EYS: variants seen among roughly 807,000 people sequenced by gnomAD.
The protein encoded by EYS is protein eyes shut homolog.
In EYS, 250 loss-of-function variants were observed where a neutral mutation model predicts 282.1. The ratio of observed to expected loss-of-function variants is 0.89; its 90% CI spans 0.80 to 0.98. The LOEUF (loss-of-function observed/expected upper bound fraction) is 0.98, where lower values mean the gene tolerates loss of function less well. EYS is among the 50% of genes least tolerant of loss of function. The pLI, the probability that EYS is intolerant of heterozygous loss-of-function variation, is 0.00. For missense variants in EYS, 4,016 were observed against 3,709.0 expected, an observed-to-expected ratio of 1.08 and a Z score of -2.15; for synonymous variants, 1,355 against 1,282.9, an observed-to-expected ratio of 1.06 and a Z score of -1.20.
intron 2 of EYS, among the ~76,000 whole-genome samples, chr6:65,507,054 T>TACTCA: frequency 6.6e-6 from 1 of 152,292 alleles, no homozygotes; most frequent in Middle Eastern, 3.4e-3. Context: ...CATGTAGATC[T>TACTCA]GAGTTTCTGA....
At chr6:64,420,438 T>G (rs1006424860) in intron 28 of EYS, among the ~76,000 whole-genome samples, 7 of 152,084 alleles carry the variant, frequency 4.6e-5, no homozygotes, top group African/African-American at 1.7e-4. Flanking sequence ...TTGTTACTTA[T>G]GCAAATTTCT....
At chr6:64,815,444 T>C (rs1764719635) in intron 21 of EYS, among the ~76,000 whole-genome samples, 1 of 152,066 alleles carries the variant, frequency 6.6e-6, no homozygotes, top group African/African-American at 2.4e-5. Flanking sequence ...GGATAGTTTT[T>C]AGACTGCCAA....
intron 22 of EYS, among the ~76,000 whole-genome samples, chr6:64,746,584 G>A (rs890820003): frequency 1.3e-5 from 2 of 152,124 alleles, no homozygotes; most frequent in Non-Finnish European, 2.9e-5. Flanking sequence ...ACCAAAACAA[G>A]TCATAGGAGA....
chr6:63,904,515 T>C (rs1284204510), intron 35 of EYS, among the ~76,000 whole-genome samples: 2 of 152,196 alleles, frequency 1.3e-5, no homozygotes, highest in African/African-American at 4.8e-5. Flanking sequence ...CTCCTCATCC[T>C]GGATAATAGG....
chr6:64,196,442 C>T (rs1405113332), intron 31 of EYS, among the ~76,000 whole-genome samples: 3 of 152,138 alleles, frequency 2.0e-5, no homozygotes, highest in Non-Finnish European at 2.9e-5. Context: ...GACACATGCA[C>T]ACGTATGTTT....
At chr6:64,294,677 G>T (rs1037913418) in intron 30 of EYS, among the ~76,000 whole-genome samples, 1 of 152,016 alleles carries the variant, frequency 6.6e-6, no homozygotes, top group African/African-American at 2.4e-5. Context: ...TTTTCACTGT[G>T]GTTATACTTG....
At chr6:63,794,226 T>A (rs1770586319) in intron 37 of EYS, among the ~76,000 whole-genome samples, 1 of 152,230 alleles carries the variant, frequency 6.6e-6, no homozygotes, top group South Asian at 2.1e-4. Context: ...ACTCAATAAA[T>A]GCATATTTCT....
intron 32 of EYS, among the ~76,000 whole-genome samples, chr6:64,071,258 T>A (rs1469195467): frequency 6.6e-6 from 1 of 152,020 alleles, no homozygotes; most frequent in Non-Finnish European, 1.5e-5. Flanking sequence ...AGCTTACTCA[T>A]CCAGGTTCTC....
intron 2 of EYS, among the ~76,000 whole-genome samples, chr6:65,625,044 G>T (rs1406267504): frequency 1.3e-5 from 2 of 152,068 alleles, no homozygotes; most frequent in African/African-American, 4.8e-5. Flanking sequence ...GGGAGGGAGG[G>T]GAGAAATTCA....
intron 24 of EYS, among the ~76,000 whole-genome samples, chr6:64,603,668 C>A (rs893327993): frequency 6.6e-6 from 1 of 152,012 alleles, no homozygotes; most frequent in Non-Finnish European, 1.5e-5. Context: ...TGTGATAGGG[C>A]TCACAGAAGT....
At chr6:64,569,633 C>T (rs1378968721) in intron 26 of EYS, among the ~76,000 whole-genome samples, 2 of 151,726 alleles carry the variant, frequency 1.3e-5, no homozygotes, top group Admixed American at 1.3e-4. Context: ...CCCAGCTACT[C>T]GTGAGGCTGA....
chr6:63,733,275 C>A (rs1768824703), intron 41 of EYS, among the ~76,000 whole-genome samples: 2 of 152,098 alleles, frequency 1.3e-5, no homozygotes, highest in Non-Finnish European at 2.9e-5. Flanking sequence ...AACTTCTCTT[C>A]TTTTCCTTTT....
At chr6:64,972,704 T>C (rs759779025) in intron 14 of EYS, among the ~76,000 whole-genome samples, 78 of 152,264 alleles carry the variant, frequency 5.1e-4, no homozygotes, top group Non-Finnish European at 7.8e-4. Flanking sequence ...ACTACATTAC[T>C]GGTAAGTCTT....
Position 64,728,652 on chromosome 6 carries a change from T to C in EYS, c.3443+84726A>G, listed in dbSNP as rs114117000. ...GACCAGCCATGTTACAGTGTTCTTT[T>C]AGTTTTGCCATCTGTGGACAGCTTA... On this transcript the variant is annotated intron_variant, in intron 22 of 42. Transcript: ENST00000503581. Among the ~76,000 whole-genome samples the C allele has an allele frequency of 4.3e-3, 650 of 152,250 alleles. 6 individuals are homozygous for C. The highest frequency in any genetic ancestry group is 0.015 in the African/African-American group (632 of 41,556).
chr6:63,887,889 G>T (rs1773306024), intron 35 of EYS, among the ~76,000 whole-genome samples: 1 of 152,160 alleles, frequency 6.6e-6, no homozygotes, highest in African/African-American at 2.4e-5. Context: ...ATGGAGCCCA[G>T]CACTGGCTTG....
rs559435807 is a variant in EYS, at chr6:64,483,360, C to G, written c.5645-44008G>C. Among the ~76,000 whole-genome samples the G allele has an allele frequency of 2.6e-5, 4 of 151,748 alleles. No individual in the cohort carries two copies. In the East Asian group the frequency reaches 7.8e-4, roughly 29 times the overall value. Reference sequence around the variant, plus strand: ...AAAAATGTGGCTGAGGATATCAGGTCAAGAGTATTAAAAACTGGGAAACGT... The same window carrying G: ...AAAAATGTGGCTGAGGATATCAGGTGAAGAGTATTAAAAACTGGGAAACGT... On this transcript the variant is annotated intron_variant, in intron 26 of 42. Coordinates refer to ENST00000503581, the MANE Select transcript of EYS (RefSeq NM_001142800.2).
chr6:65,090,729 G>A (rs1216642532), intron 12 of EYS, among the ~76,000 whole-genome samples: 1 of 152,082 alleles, frequency 6.6e-6, no homozygotes, highest in Non-Finnish European at 1.5e-5. Flanking sequence ...ACACAAAGCT[G>A]CTGTCCCAAA....
At chr6:65,561,529 G>A (rs944377055) in intron 2 of EYS, among the ~76,000 whole-genome samples, 5 of 152,004 alleles carry the variant, frequency 3.3e-5, no homozygotes, top group African/African-American at 4.8e-5. Flanking sequence ...TATCACATTC[G>A]TGTGTCTCAT....
At chr6:63,788,048 T>G (rs148496242) in intron 39 of EYS, 57 bp downstream of exon 39, 1 of 1,327,222 alleles carries the variant, frequency 7.5e-7, no homozygotes, top group Non-Finnish European at 1.0e-6. Flanking sequence ...TTAAAATATT[T>G]TTTTCCCTCA....
Sources: allele counts gnomAD v4.1 joint callset (sites outside exome capture counted in the v4.1 genomes callset), GRCh38; gene constraint gnomAD v4.1.1; transcripts MANE v1.5; gene names NCBI Gene and HGNC (gene_info 2026-07-23, HGNC 2026-07-21).